LRRC27: variants seen among roughly 807,000 people sequenced by gnomAD.
The protein encoded by LRRC27 is leucine-rich repeat-containing protein 27.
A neutral mutation model predicts 55.0 loss-of-function variants in LRRC27; 57 were observed. That is an observed-to-expected ratio of 1.04 (90% CI 0.84 to 1.29). LRRC27 has a LOEUF of 1.29. Among genes scored for constraint, LRRC27 ranks in the 50% most tolerant of loss-of-function variants. The probability of loss-of-function intolerance (pLI) is 0.00; values close to 1 mark genes in which losing one functional copy is unlikely to be tolerated. For synonymous variants in LRRC27, 278 were observed against 251.9 expected (o/e 1.10, Z -0.98); for missense variants, 721 against 651.5 (o/e 1.11, Z -1.16).
chr10:132,364,485 ACTTACACCCACC>A (rs1378022045), intron 9 of LRRC27, among the ~76,000 whole-genome samples: 3 of 96,204 alleles, frequency 3.1e-5, no homozygotes, highest in African/African-American at 9.9e-5. Context: ...ACCCACCCAC[ACTTACACCCACC>A]CTTACATCTA....
chr10:132,363,299 C>G (rs1046433694), intron 9 of LRRC27, among the ~76,000 whole-genome samples: 1 of 152,032 alleles, frequency 6.6e-6, no homozygotes, highest in African/African-American at 2.4e-5. Flanking sequence ...TCACCCCTCT[C>G]ACCTCGCAGC....
chr10:132,364,409 A>ACC (rs1402375501), intron 9 of LRRC27, among the ~76,000 whole-genome samples: 9 of 16,804 alleles, frequency 5.4e-4, no homozygotes, highest in African/African-American at 6.9e-4. Context: ...ATCTACCTCC[A>ACC]CACCCGCGCT....
rs1483019275 is a variant in LRRC27, at chr10:132,352,446, GCTCCGTGTGGGGCAGGCGCTGAGGC to G, written c.1073+738_1073+762del. 8.3e-3 allele frequency among the ~76,000 whole-genome samples: 534 copies of G among 64,360 alleles called. 10 individuals are homozygous for G. The highest frequency in any genetic ancestry group is 0.025 in the Admixed American group (153 of 6,172). 42.2% of individuals were successfully genotyped at this position (64,360 alleles called of 152,430 possible). ...CGTGTGGGGCAGGCGCAGGTGCAGC[GCTCCGTGTGGGGCAGGCGCTGAGGC>G]CTCCGTGTGGGGCAGGCGCTGAGGC... On this transcript the variant is annotated intron_variant, in intron 7 of 10. Transcript: ENST00000368614.
At chr10:132,360,014 G>A (rs2068536385) in intron 8 of LRRC27, among the ~76,000 whole-genome samples, 1 of 152,158 alleles carries the variant, frequency 6.6e-6, no homozygotes, top group African/African-American at 2.4e-5. Flanking sequence ...AGTAAAATGT[G>A]GATGGGTGGG....
chr10:132,361,445 G>T lies in LRRC27; in HGVS notation c.1171-12G>T. ...CTGGGATTCCAGAAATCATCTTGTTGCATTTTCCTAGGTGGCATCAAAGAT... is the reference window on the plus strand; with the variant it reads ...CTGGGATTCCAGAAATCATCTTGTTTCATTTTCCTAGGTGGCATCAAAGAT... On this transcript the variant is annotated splice_polypyrimidine_tract_variant and intron_variant, in intron 8 of 10. Coordinates refer to ENST00000368614, the MANE Select transcript of LRRC27 (RefSeq NM_030626.3). 2 of 1,585,276 alleles carry T rather than the reference G, an allele frequency of 1.3e-6. No individual in the cohort carries two copies. The highest frequency in any genetic ancestry group is 1.7e-6 in the Non-Finnish European group (2 of 1,154,018).
chr10:132,352,985 G>T, intron 7 of LRRC27: 1 of 1,613,160 alleles, frequency 6.2e-7, no homozygotes. Context: ...ACCACCTTGC[G>T]AGGTGTGTTG....
At position 132,344,478 on chromosome 10, in the gene LRRC27, T is replaced by A. The variant is rs1378525139; in HGVS notation, c.401-20T>A. 2 of 1,596,470 alleles carry A rather than the reference T, an allele frequency of 1.3e-6. No individual in the cohort carries two copies. Among genetic ancestry groups the A allele is most frequent in the Non-Finnish European group, 1.7e-6 (2 of 1,167,222 alleles). ...GAATGGTATATAGAATGCTGACAGT[T>A]TTTTTTTCCTCCACTGCAGGGAGCG... On this transcript the variant is annotated intron_variant, in intron 4 of 10. Coordinates refer to ENST00000368614, the MANE Select transcript of LRRC27 (RefSeq NM_030626.3).
chr10:132,344,371 G>T, intron 4 of LRRC27, 127 bp from the exon 5 acceptor site: 1 of 1,010,024 alleles, frequency 9.9e-7, no homozygotes, highest in Non-Finnish European at 1.4e-6. Context: ...ATCTGTTAAC[G>T]TGATTTTCCC....
intron 9 of LRRC27, among the ~76,000 whole-genome samples, chr10:132,362,324 G>A (rs1048401001): frequency 1.3e-5 from 2 of 152,186 alleles, no homozygotes; most frequent in African/African-American, 4.8e-5. Flanking sequence ...TGGGAAGCCT[G>A]GTGCTAACCT....
intron 7 of LRRC27, among the ~76,000 whole-genome samples, chr10:132,354,849 C>G (rs369581035): frequency 6.6e-6 from 1 of 152,194 alleles, no homozygotes; most frequent in Non-Finnish European, 1.5e-5. Flanking sequence ...GGGGTACCAA[C>G]CACAGGAGTC....
rs752694490 is a variant in LRRC27, at chr10:132,375,159, C to T, written c.1510C>T (p.Leu504Phe). 7 of 1,614,166 alleles carry T rather than the reference C, an allele frequency of 4.3e-6. No individual in the cohort carries two copies. The highest frequency in any genetic ancestry group is 5.1e-6 in the Non-Finnish European group (6 of 1,179,994). The change falls in exon 11 of 11, where the codon CTT becomes TTT. Residue 504 changes from leucine to phenylalanine, a missense_variant. Transcript: ENST00000368614. ...RRAALTGNLS[L>F]GLPAAQPQNT... is the part of the protein sequence containing the mutation. ...GGCGGCCCTCACTGGAAACCTTTCG[C>T]TTGGCCTGCCGGCAGCACAGCCTCA...
chr10:132,334,941 G>A (rs1332127907), intron 2 of LRRC27, among the ~76,000 whole-genome samples: 1 of 152,226 alleles, frequency 6.6e-6, no homozygotes, highest in Non-Finnish European at 1.5e-5. Context: ...GTCTTTAAAT[G>A]TGGTAATCAG....
At chr10:132,353,345 C>T (rs2068158772) in intron 7 of LRRC27, 1 of 1,089,574 alleles carries the variant, frequency 9.2e-7, no homozygotes, top group Non-Finnish European at 1.1e-6. Flanking sequence ...CTTGCACCGC[C>T]CCTGTGGCTC....
chr10:132,373,296 C>T (rs576768735), intron 10 of LRRC27, among the ~76,000 whole-genome samples: 16 of 152,272 alleles, frequency 1.1e-4, no homozygotes, highest in East Asian at 9.7e-4. Flanking sequence ...CGGCAGGTTC[C>T]GGCAGGTTCC....
intron 5 of LRRC27, among the ~76,000 whole-genome samples, chr10:132,345,039 G>A (rs973444421): frequency 6.6e-6 from 1 of 152,300 alleles, no homozygotes; most frequent in Admixed American, 6.5e-5. Context: ...CAAGAAATTA[G>A]CAGGAAAATG....
rs997149387 is a variant in LRRC27 at position 132,380,586 on chromosome 10, G to A, written c.*5344G>A. Reference sequence around the variant, plus strand: ...AGGCAGGAGGATCCCTTGAGCCCAGGAGGTCGAGGCTGCAGTGAGCTGTGA... The same window carrying A: ...AGGCAGGAGGATCCCTTGAGCCCAGAAGGTCGAGGCTGCAGTGAGCTGTGA... On this transcript the variant is annotated 3_prime_UTR_variant, in exon 11 of 11. Coordinates refer to ENST00000368614, the MANE Select transcript of LRRC27 (RefSeq NM_030626.3). Among the ~76,000 whole-genome samples, 18 of 152,028 alleles carry A rather than the reference G, an allele frequency of 1.2e-4. No homozygotes were observed. The highest frequency in any genetic ancestry group is 4.1e-4 in the African/African-American group (17 of 41,398).
At chr10:132,335,640 G>T (rs74161782) in intron 2 of LRRC27, among the ~76,000 whole-genome samples, 1,632 of 152,086 alleles carry the variant, frequency 0.011, 36 homozygotes, top group African/African-American at 0.036. Context: ...TACGGTGCAG[G>T]TTCCTCCCCT....
chr10:132,337,224 G>A, intron 2 of LRRC27: 18 of 1,178,988 alleles, frequency 1.5e-5, no homozygotes, highest in Non-Finnish European at 1.8e-5. Context: ...GCAGGCACTG[G>A]AGAAACGGCC....
intron 9 of LRRC27, 111 bp downstream of exon 9, chr10:132,361,686 C>A: frequency 2.5e-6 from 2 of 796,308 alleles, no homozygotes; most frequent in South Asian, 3.0e-5. Flanking sequence ...AAACTCCAGG[C>A]TGTGGCGGGC....
Sources: gnomAD v4.1 joint callset for allele counts (sites outside exome capture counted in the v4.1 genomes callset) on GRCh38, gnomAD v4.1.1 for gene constraint, MANE v1.5 for transcripts, NCBI Gene and HGNC (gene_info 2026-07-23, HGNC 2026-07-21) for gene names.